NBEA: variants seen among roughly 807,000 people sequenced by gnomAD.
NBEA encodes the protein neurobeachin, also known as lysosomal-trafficking regulator 2.
In NBEA, 44 loss-of-function variants were observed where a neutral mutation model predicts 343.4. The ratio of observed to expected loss-of-function variants is 0.13; its 90% CI spans 0.10 to 0.16. NBEA has a LOEUF of 0.16. NBEA is among the 10% of genes least tolerant of loss of function. NBEA has a pLI of 1.00. For missense variants in NBEA, 2,555 were observed against 3,631.3 expected (o/e 0.70, Z 7.62); for synonymous variants, 1,175 against 1,238.7 (o/e 0.95, Z 1.08).
At chr13:35,484,846 T>C (rs2027560) in intron 41 of NBEA, among the ~76,000 whole-genome samples, 1 of 151,768 alleles carries the variant, frequency 6.6e-6, no homozygotes, top group Admixed American at 6.6e-5. Context: ...ACCCCTGTTA[T>C]TGATTATGTT....
chr13:35,187,002 A>G (rs2071766209), intron 30 of NBEA, among the ~76,000 whole-genome samples: 1 of 152,144 alleles, frequency 6.6e-6, no homozygotes, highest in Non-Finnish European at 1.5e-5. Context: ...AAAGTTTTAA[A>G]AGTTTAAACT....
At chr13:35,597,482 GC>G (rs1409589622) in intron 47 of NBEA, among the ~76,000 whole-genome samples, 1 of 152,128 alleles carries the variant, frequency 6.6e-6, no homozygotes, top group Admixed American at 6.6e-5. Flanking sequence ...TGTCTAATGT[GC>G]CTCTGTAGGA....
chr13:35,608,597 T>G (rs1010229190), intron 48 of NBEA, among the ~76,000 whole-genome samples: 6 of 152,158 alleles, frequency 3.9e-5, no homozygotes, highest in African/African-American at 1.4e-4. Flanking sequence ...TATTTCTGAG[T>G]GAATGAATGA....
At chr13:35,591,266 T>C (rs774090065) in intron 46 of NBEA, among the ~76,000 whole-genome samples, 8 of 152,060 alleles carry the variant, frequency 5.3e-5, no homozygotes, top group Non-Finnish European at 1.2e-4. Context: ...AAATCTGTCA[T>C]ATTGCATTCA....
chr13:35,227,600 G>C (rs1046401755), intron 33 of NBEA, among the ~76,000 whole-genome samples: 1 of 151,690 alleles, frequency 6.6e-6, no homozygotes, highest in African/African-American at 2.4e-5. Flanking sequence ...ATTTCTTTTT[G>C]TTCTATGTTT....
At chr13:35,117,755 G>T (rs879509466) in intron 14 of NBEA, among the ~76,000 whole-genome samples, 1 of 151,896 alleles carries the variant, frequency 6.6e-6, no homozygotes, top group Admixed American at 6.6e-5. Context: ...TATAGTAATT[G>T]ACCATTATTC....
chr13:35,012,006 A>G (rs896398920), intron 1 of NBEA, among the ~76,000 whole-genome samples: 1 of 152,220 alleles, frequency 6.6e-6, no homozygotes, highest in Non-Finnish European at 1.5e-5. Flanking sequence ...AGTCATAGAT[A>G]CTATTCCCAG....
At position 34,942,960 on chromosome 13, in the gene NBEA, G is replaced by A. The variant is rs1323892896; in HGVS notation, c.140G>A (p.Gly47Glu). The change falls in exon 1 of 59, where the codon GGG becomes GAG. Residue 47 changes from glycine (G) to glutamate (E), a missense_variant. By Grantham distance (98) the Gly-to-Glu change is moderately conservative. Coordinates refer to ENST00000379939, the MANE Select transcript of NBEA (RefSeq NM_001385012.1). ...TGGSGMGELR[G>E]ASGSGSVMLP... ...GGCAGCGGGATGGGGGAGCTAAGGG[G>A]GGCGTCCGGCTCCGGCTCGGTGATG... The A allele has an allele frequency of 2.5e-6, 4 of 1,599,230 alleles. No individual in the cohort carries two copies. Among genetic ancestry groups the A allele is most frequent in the Non-Finnish European group, 3.4e-6 (4 of 1,173,262 alleles).
At chr13:35,555,732 A>G (rs754563351) in intron 44 of NBEA, among the ~76,000 whole-genome samples, 1 of 152,012 alleles carries the variant, frequency 6.6e-6, no homozygotes, top group Non-Finnish European at 1.5e-5. Flanking sequence ...AAAAGCCCTT[A>G]TTCATGATGA....
In NBEA at chr13:35,550,608, A is replaced by G; in HGVS notation, c.6703+14A>G. On this transcript the variant is annotated intron_variant, in intron 42 of 58. Transcript: ENST00000379939. ...TGGCAAACCGAAGTAAGTCCCCTTAATATTTTGAAAGAAAATGTGCTCATA... is the reference window on the plus strand; with the variant it reads ...TGGCAAACCGAAGTAAGTCCCCTTAGTATTTTGAAAGAAAATGTGCTCATA... 2.0e-6 allele frequency: 3 copies of G among 1,505,384 alleles called. No individual in the cohort carries two copies. Among genetic ancestry groups the G allele is most frequent in the Non-Finnish European group, 1.8e-6 (2 of 1,084,422 alleles). The allele number at this position is 1,505,384 out of a possible 1,614,324, so 93.3% of individuals were successfully genotyped here. A position where few individuals can be genotyped will look rare whatever the true frequency, so the allele number is the denominator to read the frequency against.
At chr13:35,587,697 A>G (rs560824092) in intron 46 of NBEA, among the ~76,000 whole-genome samples, 89 of 152,320 alleles carry the variant, frequency 5.8e-4, no homozygotes, top group African/African-American at 2.0e-3. Context: ...CCATAAGAAT[A>G]CTTGTTATGA....
chr13:34,948,200 T>C (rs1046144530), intron 1 of NBEA, among the ~76,000 whole-genome samples: 2 of 152,212 alleles, frequency 1.3e-5, no homozygotes, highest in Non-Finnish European at 2.9e-5. Flanking sequence ...GACTCACTTA[T>C]TCCCCATTTG....
intron 31 of NBEA, among the ~76,000 whole-genome samples, chr13:35,208,019 AGACCAGCCT>A (rs2073510257): frequency 6.6e-6 from 1 of 152,130 alleles, no homozygotes; most frequent in Admixed American, 6.5e-5. Context: ...CAGGAGTTTG[AGACCAGCCT>A]GACCAACATA....
chr13:34,994,800 A>C (rs750625148), intron 1 of NBEA, among the ~76,000 whole-genome samples: 7 of 152,210 alleles, frequency 4.6e-5, no homozygotes, highest in Non-Finnish European at 8.8e-5. Context: ...TGGAAGTCCA[A>C]GTCATCTTTT....
At chr13:35,383,754 A>G (rs1415550016) in intron 38 of NBEA, among the ~76,000 whole-genome samples, 1 of 152,118 alleles carries the variant, frequency 6.6e-6, no homozygotes, top group African/African-American at 2.4e-5. Context: ...ATGAACAATA[A>G]CTAAAATTAT....
intron 1 of NBEA, among the ~76,000 whole-genome samples, chr13:35,039,971 A>C (rs767841750): frequency 2.0e-5 from 3 of 152,170 alleles, no homozygotes; most frequent in Non-Finnish European, 2.9e-5. Flanking sequence ...CTGTTAGTGC[A>C]TGGTTTTTAT....
At chr13:35,298,889 T>C (rs549142997) in intron 35 of NBEA, among the ~76,000 whole-genome samples, 1 of 152,208 alleles carries the variant, frequency 6.6e-6, no homozygotes, top group East Asian at 1.9e-4. Flanking sequence ...TATAATACTT[T>C]TAGTAAGATC....
chr13:34,947,040 C>T (rs2152480383), intron 1 of NBEA, among the ~76,000 whole-genome samples: 1 of 151,820 alleles, frequency 6.6e-6, no homozygotes, highest in African/African-American at 2.4e-5. Context: ...GTCCTTAATA[C>T]TAATAAAACC....
intron 41 of NBEA, among the ~76,000 whole-genome samples, chr13:35,512,265 G>T (rs961030578): frequency 2.0e-5 from 3 of 152,174 alleles, no homozygotes; most frequent in African/African-American, 7.2e-5. Context: ...AGGATTACCT[G>T]ATGGTTGAAG....
Sources: gnomAD v4.1 joint callset for allele counts (sites outside exome capture counted in the v4.1 genomes callset) on GRCh38, gnomAD v4.1.1 for gene constraint, MANE v1.5 for transcripts, NCBI Gene and HGNC (gene_info 2026-07-23, HGNC 2026-07-21) for gene names.